The following ESR1 variants were observed in gnomAD, a reference collection of about 807,000 sequenced individuals.
ESR1 encodes the protein estrogen receptor.
ESR1 carries 12 observed loss-of-function variants against 52.7 expected under a neutral mutation model. That is an observed-to-expected ratio of 0.23 (90% CI 0.15 to 0.37). ESR1 has a LOEUF of 0.37. Ranked by LOEUF, ESR1 falls within the 10% of genes least tolerant of loss-of-function variation. The pLI, the probability that ESR1 is intolerant of heterozygous loss-of-function variation, is 1.00. For missense variants in ESR1, 584 were observed against 779.7 expected (o/e 0.75, Z 2.99); for synonymous variants, 305 against 316.8 (o/e 0.96, Z 0.39).
In ESR1 at chr6:151,934,896, C is replaced by G. The variant is rs1475365889; in HGVS notation, c.761-9277C>G. On this transcript the variant is annotated intron_variant, in intron 3 of 7. Transcript: ENST00000206249. Reference sequence around the variant, plus strand: ...GGCTCTGGCTTATATAATAGCTTGCCCTCTCAGGATTCTAGAGCCCCATAT... The same window carrying G: ...GGCTCTGGCTTATATAATAGCTTGCGCTCTCAGGATTCTAGAGCCCCATAT... Among the ~76,000 whole-genome samples, 3 of 152,112 alleles carry G rather than the reference C, an allele frequency of 2.0e-5. No homozygotes were observed. The East Asian group carries it at 5.8e-4, about 29-fold the overall frequency.
At chr6:151,694,647 A>T (rs1779193513) in intron 1 of ESR1, among the ~76,000 whole-genome samples, 2 of 151,930 alleles carry the variant, frequency 1.3e-5, no homozygotes, top group African/African-American at 2.4e-5. Context: ...ATTAGCCAGG[A>T]GTGGTGGCAT....
chr6:152,108,992 G>C (rs2051099652), intron 6 of ESR1, among the ~76,000 whole-genome samples: 1 of 152,148 alleles, frequency 6.6e-6, no homozygotes, highest in Admixed American at 6.5e-5. Flanking sequence ...GGAGGCCTCA[G>C]GAAACTCAAT....
rs1792754604 is a variant in ESR1, at chr6:151,880,670, T to C, written c.659T>C (p.Met220Thr). ...CTTTTAATAGGACATAACGACTATA[T>C]GTGTCCAGCCACCAACCAGTGCACC... is the stretch of plus-strand genomic sequence containing the variant. ...KRSIQGHNDY[M>T]CPATNQCTID... The change falls in exon 3 of 8, where the codon ATG becomes ACG. Residue 220 changes from methionine (M) to threonine (T), a missense_variant. Met to Thr is a moderately conservative substitution (Grantham distance 81). Around this residue, in one of 6 missense-constraint regions of ESR1, gnomAD observed 25 missense variants for 53.0 expected, o/e 0.47. Coordinates refer to ENST00000206249, the MANE Select transcript of ESR1 (RefSeq NM_000125.4). 2 of 1,605,972 alleles carry C rather than the reference T, an allele frequency of 1.2e-6. No homozygotes were observed. The highest frequency in any genetic ancestry group is 1.7e-6 in the Non-Finnish European group (2 of 1,172,522).
chr6:151,671,489 G>A (rs973162962), intron 1 of ESR1, among the ~76,000 whole-genome samples: 4 of 152,140 alleles, frequency 2.6e-5, no homozygotes, highest in African/African-American at 9.7e-5. Flanking sequence ...AGTTGAACTC[G>A]TAGACACAGA....
At chr6:151,728,556 A>G (rs1366464068) in intron 2 of ESR1, among the ~76,000 whole-genome samples, 1 of 152,212 alleles carries the variant, frequency 6.6e-6, no homozygotes, top group Non-Finnish European at 1.5e-5. Context: ...TTGTGGAGGT[A>G]TAGCTGACAT....
At chr6:152,045,459 G>T (rs2046152091) in intron 5 of ESR1, among the ~76,000 whole-genome samples, 1 of 152,190 alleles carries the variant, frequency 6.6e-6, no homozygotes, top group South Asian at 2.1e-4. Context: ...AGAGGGTTGA[G>T]GAGGATGGGA....
At position 152,016,470 on chromosome 6, in the gene ESR1, A is replaced by G. The variant is rs112425271; in HGVS notation, c.1235+4676A>G. 1.3e-3 allele frequency among the ~76,000 whole-genome samples: 196 copies of G among 152,276 alleles called. 1 individual carries two copies. The highest frequency in any genetic ancestry group is 4.5e-3 in the African/African-American group (186 of 41,552). On this transcript the variant is annotated intron_variant, in intron 5 of 7. Transcript: ENST00000206249. ...TATTATTAAATTTCAATATTATTTA[A>G]TTACCATCTTGGTGTTTGAGGATAA...
At chr6:151,853,202 A>G (rs1455392442) in intron 2 of ESR1, among the ~76,000 whole-genome samples, 1 of 144,354 alleles carries the variant, frequency 6.9e-6, no homozygotes, top group African/African-American at 2.6e-5. Flanking sequence ...AAAAAAAGAG[A>G]AAGAAAGAAA....
At chr6:151,738,484 G>C (rs1782836383) in intron 2 of ESR1, among the ~76,000 whole-genome samples, 1 of 152,178 alleles carries the variant, frequency 6.6e-6, no homozygotes, top group Admixed American at 6.5e-5. Flanking sequence ...CCCACCAACA[G>C]TGCACAAGGA....
chr6:151,735,360 T>C (rs918232070), intron 2 of ESR1, among the ~76,000 whole-genome samples: 1 of 151,794 alleles, frequency 6.6e-6, no homozygotes, highest in African/African-American at 2.4e-5. Context: ...CCACAGAGAG[T>C]TGGTAAAAAG....
intron 6 of ESR1, among the ~76,000 whole-genome samples, chr6:152,071,344 CATT>C (rs1302049812): frequency 6.6e-5 from 10 of 152,320 alleles, no homozygotes; most frequent in African/African-American, 2.2e-4. Flanking sequence ...AACCACCTGA[CATT>C]AGCCAACCAT....
intron 6 of ESR1, among the ~76,000 whole-genome samples, chr6:152,089,801 ACTC>A (rs1236292296): frequency 6.6e-6 from 1 of 151,502 alleles, no homozygotes; most frequent in African/African-American, 2.4e-5. Flanking sequence ...ATGGTCTTGA[ACTC>A]CTCATCTCAA....
At chr6:151,833,509 T>G (rs763497934) in intron 1 of ESR1, among the ~76,000 whole-genome samples, 5 of 152,012 alleles carry the variant, frequency 3.3e-5, no homozygotes, top group Non-Finnish European at 5.9e-5. Flanking sequence ...GAGGACAGGT[T>G]TGCAATGTGG....
chr6:151,844,771 C>G (rs1173779399), intron 2 of ESR1, among the ~76,000 whole-genome samples: 1 of 151,912 alleles, frequency 6.6e-6, no homozygotes, highest in Non-Finnish European at 1.5e-5. Flanking sequence ...TTACTGAGAA[C>G]TTACTCTATA....
chr6:151,719,583 G>C (rs907549123), intron 2 of ESR1, among the ~76,000 whole-genome samples: 4 of 152,148 alleles, frequency 2.6e-5, no homozygotes, highest in Non-Finnish European at 5.9e-5. Context: ...GAGGTGCTGG[G>C]GCAGGTGAAC....
At chr6:151,911,677 T>C (rs1276425650) in intron 3 of ESR1, among the ~76,000 whole-genome samples, 1 of 152,240 alleles carries the variant, frequency 6.6e-6, no homozygotes, top group Non-Finnish European at 1.5e-5. Context: ...GACTGATCCT[T>C]GGAACCTCTT....
chr6:151,795,487 CAAAAA>C (rs61142527), intron 2 of ESR1, among the ~76,000 whole-genome samples: 1 of 83,338 alleles, frequency 1.2e-5, no homozygotes, highest in Non-Finnish European at 2.8e-5. Context: ...GACTCCATCT[CAAAAA>C]AAAAAAAAAA....
intron 2 of ESR1, among the ~76,000 whole-genome samples, chr6:151,869,188 T>A (rs780669839): frequency 1.1e-4 from 16 of 152,306 alleles, no homozygotes; most frequent in South Asian, 6.2e-4. Flanking sequence ...TTGGAAATTG[T>A]TTCTACTACT....
intron 4 of ESR1, among the ~76,000 whole-genome samples, chr6:151,996,378 A>G (rs1293957751): frequency 6.6e-6 from 1 of 151,922 alleles, no homozygotes; most frequent in African/African-American, 2.4e-5. Context: ...GACTGTTAGT[A>G]CCCGCTTGTG....
Sources: gnomAD v4.1 joint callset for allele counts (sites outside exome capture counted in the v4.1 genomes callset) on GRCh38, gnomAD v4.1.1 for gene constraint, gnomAD v4.1.1 regional missense constraint, MANE v1.5 for transcripts, NCBI Gene and HGNC (gene_info 2026-07-23, HGNC 2026-07-21) for gene names.